PDE11A: variants seen among roughly 807,000 people sequenced by gnomAD.
PDE11A encodes phosphodiesterase 11A, also known as dual 3',5'-cyclic-AMP and -GMP phosphodiesterase 11A.
Under a neutral mutation model 100.5 loss-of-function variants are expected in PDE11A, and 100 were observed. The ratio of observed to expected loss-of-function variants is 1.00; its 90% CI spans 0.85 to 1.18. The LOEUF (loss-of-function observed/expected upper bound fraction) is 1.18, where lower values mean the gene tolerates loss of function less well. Among genes scored for constraint, PDE11A ranks in the 50% most tolerant of loss-of-function variants. PDE11A has a pLI of 0.00. For missense variants in PDE11A, 1,141 were observed against 1,152.6 expected, an observed-to-expected ratio of 0.99 and a Z score of 0.15; for synonymous variants, 381 against 420.8, an observed-to-expected ratio of 0.91 and a Z score of 1.16.
intron 16 of PDE11A, among the ~76,000 whole-genome samples, chr2:177,679,043 A>G (rs2080821826): frequency 6.8e-6 from 1 of 147,412 alleles, no homozygotes; most frequent in South Asian, 2.1e-4. Flanking sequence ...GAGAGAATCC[A>G]GAAGCGTATA....
chr2:177,758,241 G>A (rs964819353), intron 10 of PDE11A, among the ~76,000 whole-genome samples: 1 of 146,560 alleles, frequency 6.8e-6, no homozygotes, highest in Non-Finnish European at 1.5e-5. Flanking sequence ...AGCTTGCAGT[G>A]AGCCGAGATG....
Position 178,038,705 on chromosome 2 carries a change from C to T in PDE11A, c.913-24245G>A, listed in dbSNP as rs578234545. On this transcript the variant is annotated intron_variant, in intron 1 of 19. Transcript: ENST00000286063. ...ATACTTTCATACCAACCATGAGTAG[C>T]CTGTTCTTTTCTTGGCTGGGAGGTA... Among the ~76,000 whole-genome samples the T allele has an allele frequency of 5.9e-5, 9 of 152,158 alleles. No homozygotes were observed. The South Asian group carries it at 1.7e-3, about 28-fold the overall frequency.
chr2:178,073,930 T>C (rs947435990), upstream of PDE11A, among the ~76,000 whole-genome samples: 1 of 152,006 alleles, frequency 6.6e-6, no homozygotes, highest in Admixed American at 6.5e-5. Context: ...TTTAATGGAC[T>C]GCTAATTGTT....
At chr2:177,967,413 G>T (rs1465976766) in intron 2 of PDE11A, among the ~76,000 whole-genome samples, 1 of 151,840 alleles carries the variant, frequency 6.6e-6, no homozygotes, top group Non-Finnish European at 1.5e-5. Context: ...GTCCAGGCTG[G>T]TCTTGAACTC....
chr2:177,810,980 T>C (rs2082941108), intron 9 of PDE11A, among the ~76,000 whole-genome samples: 1 of 152,120 alleles, frequency 6.6e-6, no homozygotes, highest in African/African-American at 2.4e-5. Flanking sequence ...ATTTCTTCCC[T>C]CTTCTGATCC....
chr2:177,819,078 C>T (rs1448551170), intron 7 of PDE11A, among the ~76,000 whole-genome samples: 6 of 151,942 alleles, frequency 3.9e-5, no homozygotes, highest in Admixed American at 2.0e-4. Flanking sequence ...GAGATTGCCA[C>T]GGAATATCAA....
upstream of PDE11A, among the ~76,000 whole-genome samples, chr2:178,074,014 A>C (rs981640096): frequency 6.6e-6 from 1 of 152,166 alleles, no homozygotes; most frequent in Non-Finnish European, 1.5e-5. Flanking sequence ...AAATGTGATA[A>C]CTCCATACAA....
chr2:178,107,598 T>C (rs897649467), intron 1 of PDE11A, among the ~76,000 whole-genome samples: 6 of 151,898 alleles, frequency 4.0e-5, no homozygotes, highest in Admixed American at 3.9e-4. Context: ...TCTATTTTTA[T>C]AGATGTAGAA....
At chr2:177,738,928 G>C (rs1482015136) in intron 10 of PDE11A, among the ~76,000 whole-genome samples, 1 of 152,222 alleles carries the variant, frequency 6.6e-6, no homozygotes, top group Non-Finnish European at 1.5e-5. Context: ...ACATGAGTTG[G>C]TTTAGCACTT....
chr2:177,642,034 A>C (rs966140928), intron 19 of PDE11A, among the ~76,000 whole-genome samples: 2 of 152,094 alleles, frequency 1.3e-5, no homozygotes, highest in Non-Finnish European at 2.9e-5. Flanking sequence ...CAGGTCTCTG[A>C]CTCCAGAGCC....
chr2:177,996,519 G>T (rs1359979804), intron 2 of PDE11A, among the ~76,000 whole-genome samples: 1 of 150,848 alleles, frequency 6.6e-6, no homozygotes, highest in Non-Finnish European at 1.5e-5. Context: ...ATGTATGTAT[G>T]TATATTATAT....
At chr2:178,035,615 T>C (rs2086603498) in intron 1 of PDE11A, among the ~76,000 whole-genome samples, 1 of 152,190 alleles carries the variant, frequency 6.6e-6, no homozygotes, top group South Asian at 2.1e-4. Context: ...AGAATATTGA[T>C]GTGAAAATCC....
At chr2:177,845,113 A>T (rs1485268684) in intron 5 of PDE11A, among the ~76,000 whole-genome samples, 1 of 146,486 alleles carries the variant, frequency 6.8e-6, no homozygotes, top group Non-Finnish European at 1.5e-5. Flanking sequence ...CAGTAGGGGC[A>T]GCCGGGCAGA....
At chr2:177,742,471 A>C (rs2081887038) in intron 10 of PDE11A, among the ~76,000 whole-genome samples, 1 of 152,060 alleles carries the variant, frequency 6.6e-6, no homozygotes, top group South Asian at 2.1e-4. Flanking sequence ...CTCCTACAGC[A>C]TTTACCATAG....
In PDE11A at chr2:177,998,581, T is replaced by C. The variant is rs1263387410; in HGVS notation, c.1071+15721A>G. On this transcript the variant is annotated intron_variant, in intron 2 of 19. Coordinates refer to ENST00000286063, the MANE Select transcript of PDE11A (RefSeq NM_016953.4). ...TCACAGAGGTCTAACTGTGCATTGA[T>C]AGCAGAATCAGCCAATTCTGTAAAA... 1.1e-5 allele frequency: 14 copies of C among 1,305,314 alleles called. No individual in the cohort carries two copies. In the South Asian group the frequency reaches 1.2e-4, roughly 11 times the overall value. The allele number at this position is 1,305,314 out of a possible 1,614,324, so 80.9% of individuals were successfully genotyped here.
At chr2:178,101,706 T>C (rs910556913) in intron 2 of PDE11A, among the ~76,000 whole-genome samples, 4 of 152,110 alleles carry the variant, frequency 2.6e-5, no homozygotes, top group African/African-American at 9.7e-5. Flanking sequence ...ATAACAAACA[T>C]ACTCCGGTCA....
chr2:177,831,331 A>G (rs1355131977), intron 6 of PDE11A, among the ~76,000 whole-genome samples: 1 of 152,242 alleles, frequency 6.6e-6, no homozygotes, highest in Non-Finnish European at 1.5e-5. Context: ...TTCAAAACTG[A>G]GATTTCAAAA....
intron 2 of PDE11A, among the ~76,000 whole-genome samples, chr2:177,971,154 A>G (rs2085765005): frequency 6.6e-6 from 1 of 152,220 alleles, no homozygotes; most frequent in Admixed American, 6.5e-5. Flanking sequence ...GCTGTATAGA[A>G]AAACCACTCA....
chr2:177,921,943 TCTGACAGA>T (rs2085055532), intron 2 of PDE11A: 1 of 152,218 alleles, frequency 6.6e-6, no homozygotes, highest in East Asian at 1.9e-4. Context: ...AATGGGGAAA[TCTGACAGA>T]CAGGAAGCTG....
Sources: allele counts gnomAD v4.1 joint callset (sites outside exome capture counted in the v4.1 genomes callset), GRCh38; gene constraint gnomAD v4.1.1; transcripts MANE v1.5; gene names NCBI Gene and HGNC (gene_info 2026-07-23, HGNC 2026-07-21).